Variants in PPP2R2D observed in about 807,000 individuals in gnomAD.
PPP2R2D encodes the protein serine/threonine-protein phosphatase 2A 55 kDa regulatory subunit B delta isoform.
A neutral mutation model predicts 31.1 loss-of-function variants in PPP2R2D; 9 were observed. That is an observed-to-expected ratio of 0.29 (90% confidence interval 0.17 to 0.51). The LOEUF is 0.51. Ranked by LOEUF, PPP2R2D falls within the 20% of genes least tolerant of loss-of-function variation. The pLI is 0.98. For synonymous variants in PPP2R2D, 179 were observed against 172.6 expected (o/e 1.04, Z -0.29); for missense variants, 391 against 465.6 (o/e 0.84, Z 1.48).
intron 2 of PPP2R2D, among the ~76,000 whole-genome samples, chr10:131,929,788 C>A (rs782695214): frequency 6.6e-6 from 1 of 152,144 alleles, no homozygotes; most frequent in Non-Finnish European, 1.5e-5. Flanking sequence ...CCACTGACTC[C>A]GTTTCCCCTT....
rs577541215 is a variant in PPP2R2D at position 131,955,737 on chromosome 10, C to G, written c.1136C>G (p.Thr379Arg). 9.1e-6 allele frequency: 14 copies of G among 1,531,650 alleles called. No homozygotes were observed. Among genetic ancestry groups the G allele is most frequent in the African/African-American group, 1.4e-5 (1 of 72,324 alleles). 94.9% of individuals were successfully genotyped at this position (1,531,650 alleles called of 1,614,324 possible). ...NNFFRMFDRD[T>R]RRDVTLEASR... ...TTCTTCAGGATGTTTGATAGAGACA[C>G]GCGGAGGGATGTGACCCTGGAGGCC... is the stretch of plus-strand genomic sequence containing the variant. The change falls in exon 9 of 9, where the codon ACG (threonine) becomes AGG (arginine). Residue 379 changes from threonine to arginine, a missense_variant. Physicochemically the swap from Thr to Arg is moderately conservative, Grantham distance 71 (BLOSUM62 -1). Around this residue, in one of 3 missense-constraint regions of PPP2R2D, gnomAD observed 163 missense variants for 179.5 expected, o/e 0.91. Transcript: ENST00000455566.
intron 2 of PPP2R2D, among the ~76,000 whole-genome samples, chr10:131,910,698 A>T (rs2035667868): frequency 6.6e-6 from 1 of 152,128 alleles, no homozygotes; most frequent in Non-Finnish European, 1.5e-5. Flanking sequence ...CTCGTCAGTG[A>T]TGTCTTCGTA....
In PPP2R2D at chr10:131,904,249, C is replaced by T. The variant is rs1432005323; in HGVS notation, c.100+2919C>T. On this transcript the variant is annotated intron_variant, in intron 2 of 8. Transcript: ENST00000455566. Reference sequence around the variant, plus strand: ...AGAGATGGCCGGGCGCAGTGGCTCACGCTTGTAATCCCAGCACTTTGGGAG... The same window carrying T: ...AGAGATGGCCGGGCGCAGTGGCTCATGCTTGTAATCCCAGCACTTTGGGAG... 5.4e-5 allele frequency among the ~76,000 whole-genome samples: 8 copies of T among 148,052 alleles called. No individual in the cohort carries two copies. The South Asian group carries it at 8.6e-4, about 16-fold the overall frequency.
chr10:131,941,945 CA>C (rs2036449182), intron 5 of PPP2R2D, among the ~76,000 whole-genome samples: 1 of 152,184 alleles, frequency 6.6e-6, no homozygotes, highest in Non-Finnish European at 1.5e-5. Flanking sequence ...TGTTTTGATC[CA>C]AAATGTTGGT....
the PPP2R2D span, chr10:131,968,631 C>G: frequency 6.9e-7 from 1 of 1,448,980 alleles, no homozygotes; most frequent in Non-Finnish European, 9.7e-7. Context: ...TGTGTTACAG[C>G]TGAAACAGGG....
Position 131,927,437 on chromosome 10 carries a change from A to G in PPP2R2D, c.101-7021A>G, listed in dbSNP as rs536307088. On this transcript the variant is annotated intron_variant, in intron 2 of 8. Transcript: ENST00000455566. ...CGGACGGGTGCGCGGGTTGGAGTAC[A>G]GGAGGCCCAGAGCTTGGCGGCGGTG... Among the ~76,000 whole-genome samples, 69 of 152,292 alleles carry G rather than the reference A, an allele frequency of 4.5e-4. 1 individual carries two copies. In the South Asian group the frequency reaches 0.014, roughly 31 times the overall value.
At chr10:131,964,541 C>T (rs2036956138), downstream of PPP2R2D, among the ~76,000 whole-genome samples, 1 of 152,302 alleles carries the variant, frequency 6.6e-6, no homozygotes, top group South Asian at 2.1e-4. Flanking sequence ...GCTAGCCTTC[C>T]TTGTGACTGT....
At position 131,947,716 on chromosome 10, in the gene PPP2R2D, G is replaced by A. The variant is rs193198132; in HGVS notation, c.1007G>A (p.Arg336His). 230 of 1,614,188 alleles carry A rather than the reference G, an allele frequency of 1.4e-4. No individual in the cohort carries two copies. The highest frequency in any genetic ancestry group is 1.8e-4 in the Admixed American group (11 of 60,026). ...ACCCACCAGGTCCACGAGTACCTGC[G>A]CAGCAAGCTCTGCTCTCTCTATGAG... ...VETHQVHEYL[R>H]SKLCSLYEND... The change falls in exon 8 of 9, where the codon CGC becomes CAC. Residue 336 changes from arginine to histidine, a missense_variant. Arg to His is a conservative substitution (Grantham distance 29). Around this residue, in one of 3 missense-constraint regions of PPP2R2D, gnomAD observed 163 missense variants for 179.5 expected, o/e 0.91. Transcript: ENST00000455566. This position sits in a 1 kb window ranked among gnomAD's most constrained non-coding sequence, Gnocchi z 4.3.
At chr10:131,917,245 A>C (rs1446876283) in intron 2 of PPP2R2D, among the ~76,000 whole-genome samples, 5 of 140,738 alleles carry the variant, frequency 3.6e-5, no homozygotes, top group African/African-American at 1.3e-4. Context: ...GGAATGACAC[A>C]GTGTTTGTAG....
chr10:131,926,439 G>A (rs1195471521), intron 2 of PPP2R2D, among the ~76,000 whole-genome samples: 1 of 152,146 alleles, frequency 6.6e-6, no homozygotes, highest in African/African-American at 2.4e-5. Flanking sequence ...TACTCTGGGA[G>A]GCTGAGGCAG....
rs1193461032 is a variant in PPP2R2D, at chr10:131,956,655, G to GT, written c.*693dup. The GT allele has an allele frequency of 1.4e-6, 1 of 723,818 alleles. No homozygotes were observed. Among genetic ancestry groups the GT allele is most frequent in the African/African-American group, 1.9e-5 (1 of 52,104 alleles). The allele number at this position is 723,818 out of a possible 1,614,324, so 44.8% of individuals were successfully genotyped here. A position where few individuals can be genotyped will look rare whatever the true frequency, so the allele number is the denominator to read the frequency against. ...GAAATGTGTGTCCTTCTTTGGCAGCGTGGGGGTATGTGTGCAGCATTTCTG... is the reference window on the plus strand; with the variant it reads ...GAAATGTGTGTCCTTCTTTGGCAGCGTTGGGGGTATGTGTGCAGCATTTCTG... On this transcript the variant is annotated 3_prime_UTR_variant, in exon 9 of 9. Transcript: ENST00000455566.
At chr10:131,905,518 C>G (rs2119706997) in intron 2 of PPP2R2D, among the ~76,000 whole-genome samples, 1 of 152,252 alleles carries the variant, frequency 6.6e-6, no homozygotes, top group African/African-American at 2.4e-5. Context: ...GCTGGCTGTC[C>G]CCCTTCCCAC....
chr10:131,926,949 C>T (rs894888970), intron 2 of PPP2R2D, among the ~76,000 whole-genome samples: 4 of 152,144 alleles, frequency 2.6e-5, no homozygotes, highest in Admixed American at 6.5e-5. Context: ...GGTAGCAGAG[C>T]GCTGGCTACA....
chr10:131,927,590 C>T (rs1413161577), intron 2 of PPP2R2D, among the ~76,000 whole-genome samples: 2 of 152,064 alleles, frequency 1.3e-5, no homozygotes, highest in Non-Finnish European at 2.9e-5. Context: ...CAGCAAAGAC[C>T]CCCAGTAAAT....
intron 2 of PPP2R2D, among the ~76,000 whole-genome samples, chr10:131,916,927 G>C (rs868987608): frequency 2.7e-5 from 4 of 149,568 alleles, no homozygotes; most frequent in African/African-American, 1.0e-4. Flanking sequence ...GACCTCAGGC[G>C]GGTGGAATGA....
chr10:131,950,023 G>A lies in PPP2R2D; in HGVS notation c.1082+2232G>A, dbSNP rs868910100. Among the ~76,000 whole-genome samples the A allele has an allele frequency of 1.2e-3, 176 of 149,154 alleles. 1 individual carries two copies. The highest frequency in any genetic ancestry group is 6.8e-3 in the Middle Eastern group (2 of 292). On this transcript the variant is annotated intron_variant, in intron 8 of 8. Transcript: ENST00000455566. ...GAAATGACAAGTATGATACATGACC[G>A]CCAAACATGACGTGGAGACTGGAAA...
chr10:131,945,923 C>G lies in PPP2R2D; in HGVS notation c.820+464C>G, dbSNP rs982204552. The G allele has an allele frequency of 6.4e-6, 1 of 156,040 alleles. No homozygotes were observed. Among genetic ancestry groups the G allele is most frequent in the Non-Finnish European group, 1.4e-5 (1 of 70,192 alleles). 9.7% of individuals were successfully genotyped at this position (156,040 alleles called of 1,614,324 possible). A position where few individuals can be genotyped will look rare whatever the true frequency, so the allele number is the denominator to read the frequency against. ...GAGGCTGCTGCTAATAAGTGGAACT[C>G]GAGGTCATGCTTCCCACAGGCTTAT... On this transcript the variant is annotated intron_variant, in intron 7 of 8. Transcript: ENST00000455566. The surrounding 1 kb of genome is among the most constrained non-coding windows in gnomAD (Gnocchi z 4.8).
intron 3 of PPP2R2D, among the ~76,000 whole-genome samples, chr10:131,936,340 G>T (rs1323990926): frequency 6.6e-6 from 1 of 151,756 alleles, no homozygotes; most frequent in Non-Finnish European, 1.5e-5. Context: ...TAGCGATGGG[G>T]TTTCACCGTT....
At chr10:131,916,534 C>A (rs949130737) in intron 2 of PPP2R2D, among the ~76,000 whole-genome samples, 2 of 152,194 alleles carry the variant, frequency 1.3e-5, no homozygotes, top group African/African-American at 4.8e-5. Flanking sequence ...AACAATAACT[C>A]CCCTTCTCCC....
Sources: gnomAD v4.1 joint callset for allele counts (sites outside exome capture counted in the v4.1 genomes callset) on GRCh38, gnomAD v4.1.1 for gene constraint, gnomAD v4.1.1 regional missense constraint, Gnocchi (gnomAD v3.1) non-coding constraint, MANE v1.5 for transcripts, NCBI Gene and HGNC (gene_info 2026-07-23, HGNC 2026-07-21) for gene names.